The following MTMR4 variants were observed in gnomAD, a reference collection of about 807,000 sequenced individuals.
MTMR4 encodes phosphatidylinositol-3,5-bisphosphate 3-phosphatase MTMR4.
MTMR4 carries 30 observed loss-of-function variants against 125.5 expected under a neutral mutation model. That is an observed-to-expected ratio of 0.24 (90% CI 0.18 to 0.32). MTMR4 has a LOEUF of 0.32. Ranked by LOEUF, MTMR4 falls within the 10% of genes least tolerant of loss-of-function variation. MTMR4 has a pLI of 1.00. For missense variants in MTMR4, 1,039 were observed against 1,511.5 expected (o/e 0.69, Z 5.18); for synonymous variants, 498 against 564.5 (o/e 0.88, Z 1.67).
In MTMR4 at chr17:58,496,046, G is replaced by A. The variant is rs1975457752; in HGVS notation, c.2138C>T (p.Ser713Phe). Residue 713 changes from serine (S) to phenylalanine (F), a missense_variant, in exon 15 of 18, where the codon TCT becomes TTT. Coordinates refer to ENST00000682306, the MANE Select transcript of MTMR4 (RefSeq NM_001378067.1). Reference sequence around the variant, plus strand: ...GGTATTAAGCAGTTTGTAACTTGGAGAACAGCTTTTGTGACTCTTGAAAGG... The same window carrying A: ...GGTATTAAGCAGTTTGTAACTTGGAAAACAGCTTTTGTGACTCTTGAAAGG... ...NKPFKSHKSCSPSYKLLNTAV... is the reference protein window; with the variant it reads ...NKPFKSHKSCFPSYKLLNTAV... The A allele has an allele frequency of 1.4e-5, 22 of 1,614,156 alleles. No homozygotes were observed. Among genetic ancestry groups the A allele is most frequent in the Non-Finnish European group, 1.9e-5 (22 of 1,180,022 alleles).
Position 58,507,271 on chromosome 17 carries a change from G to A in MTMR4, c.756C>T (p.Ile252=), listed in dbSNP as rs758925739. 23 of 1,613,968 alleles carry A rather than the reference G, an allele frequency of 1.4e-5. No individual in the cohort carries two copies. Among genetic ancestry groups the A allele is most frequent in the Admixed American group, 1.2e-4 (7 of 60,000 alleles). The change falls in exon 8 of 18, where the codon ATC becomes ATT. Residue 252 remains isoleucine, a synonymous_variant. Transcript: ENST00000682306. ...AAIARCSQPE[I]SWWGWRNADD... ...CAGCATTGCGCCAGCCCCACCAGCTGATCTCTGGCTGGCTGCAGCGGGCGA... is the reference window on the plus strand; with the variant it reads ...CAGCATTGCGCCAGCCCCACCAGCTAATCTCTGGCTGGCTGCAGCGGGCGA...
chr17:58,514,772 A>T, upstream of MTMR4: 1 of 696,060 alleles, frequency 1.4e-6, no homozygotes, highest in Non-Finnish European at 1.8e-6. Context: ...GGCGTACCCT[A>T]CTCCAGGGAC....
chr17:58,510,827 T>G (rs1387999174), intron 4 of MTMR4: 2 of 152,296 alleles, frequency 1.3e-5, no homozygotes, highest in Non-Finnish European at 2.9e-5. Flanking sequence ...TCTTCCCACC[T>G]TGGCCACCCG....
At chr17:58,494,859 A>T in intron 15 of MTMR4, 73 bp downstream of exon 15, 1 of 1,433,954 alleles carries the variant, frequency 7.0e-7, no homozygotes, top group Non-Finnish European at 9.6e-7. Flanking sequence ...TACCCAACGA[A>T]TAAATGCTGA....
chr17:58,500,946 G>A (rs994973572), intron 14 of MTMR4, among the ~76,000 whole-genome samples: 1 of 151,962 alleles, frequency 6.6e-6, no homozygotes, highest in Non-Finnish European at 1.5e-5. Flanking sequence ...CTAAGTTAAT[G>A]AAATGATTAT....
rs1409269287 is a variant in MTMR4, at chr17:58,511,481, T to C, written c.283A>G (p.Ser95Gly). ...ATGTGCAACTGGAACATATCACGGCTCTCCACACTGTCAATCATCCGGAGG... is the reference window on the plus strand; with the variant it reads ...ATGTGCAACTGGAACATATCACGGCCCTCCACACTGTCAATCATCCGGAGG... ...VPLRMIDSVE[S>G]RDMFQLHISC... Residue 95 changes from serine to glycine, a missense_variant, in exon 4 of 18, where the codon AGC becomes GGC. Around this residue, in one of 6 missense-constraint regions of MTMR4, gnomAD observed 202 missense variants for 311.9 expected, o/e 0.65. Coordinates refer to ENST00000682306, the MANE Select transcript of MTMR4 (RefSeq NM_001378067.1). The C allele has an allele frequency of 6.2e-7, 1 of 1,612,518 alleles. No individual in the cohort carries two copies. Among genetic ancestry groups the C allele is most frequent in the Admixed American group, 1.7e-5 (1 of 59,734 alleles).
chr17:58,494,094 C>T (rs1975387621), intron 15 of MTMR4, among the ~76,000 whole-genome samples: 1 of 151,800 alleles, frequency 6.6e-6, no homozygotes, highest in South Asian at 2.1e-4. Context: ...GTGGGCGGAT[C>T]ATGAGGTCAG....
At chr17:58,507,957 TAAA>T in intron 7 of MTMR4, 1 of 480,120 alleles carries the variant, frequency 2.1e-6, no homozygotes, top group Non-Finnish European at 3.8e-6. Flanking sequence ...ACACACACTC[TAAA>T]AAAAGGGGGG....
Position 58,512,338 on chromosome 17 carries a change from G to T in MTMR4, c.252+52C>A. 6.9e-7 allele frequency: 1 copy of T among 1,456,472 alleles called. No homozygotes were observed. Among genetic ancestry groups the T allele is most frequent in the Non-Finnish European group, 9.6e-7 (1 of 1,037,104 alleles). 90.2% of individuals were successfully genotyped at this position (1,456,472 alleles called of 1,614,324 possible). A position where few individuals can be genotyped will look rare whatever the true frequency, so the allele number is the denominator to read the frequency against. On this transcript the variant is annotated intron_variant, in intron 3 of 17. Coordinates refer to ENST00000682306, the MANE Select transcript of MTMR4 (RefSeq NM_001378067.1). The surrounding 1 kb of genome is among the most constrained non-coding windows in gnomAD (Gnocchi z 4.1). ...GACAGCCTTGGAACAATCCCACCTT[G>T]AACTTCATAGGGATTCTAGCTTAGG...
intron 4 of MTMR4, 108 bp downstream of exon 4, chr17:58,511,321 G>A (rs747496774): frequency 1.3e-4 from 136 of 1,016,338 alleles, no homozygotes; most frequent in Non-Finnish European, 1.8e-4. Context: ...TTCCAACTGG[G>A]GAAAGTGAGG....
chr17:58,496,307 T>A lies in MTMR4; in HGVS notation c.1877A>T (p.Asp626Val). The change falls in exon 15 of 18, where the codon GAT becomes GTT. Residue 626 changes from aspartate (D) to valine (V), a missense_variant. By Grantham distance (152) the Asp-to-Val change is radical (BLOSUM62 -3). Around this residue, in one of 6 missense-constraint regions of MTMR4, gnomAD observed 619 missense variants for 714.5 expected, o/e 0.87. Coordinates refer to ENST00000682306, the MANE Select transcript of MTMR4 (RefSeq NM_001378067.1). ...LDRLPKTRSM[D>V]DLLSACDTSS... is the part of the protein sequence containing the mutation. ...TGTGTCACAGGCAGAAAGAAGATCA[T>A]CCATGGATCTGGTTTTAGGTAATCT... 1 of 1,610,734 alleles carries A rather than the reference T, an allele frequency of 6.2e-7. No homozygotes were observed. Among genetic ancestry groups the A allele is most frequent in the Non-Finnish European group, 8.5e-7 (1 of 1,178,464 alleles).
intron 14 of MTMR4, 38 bp downstream of exon 14, chr17:58,503,706 T>C: frequency 6.3e-7 from 1 of 1,583,932 alleles, no homozygotes. Flanking sequence ...ACTGCCTTCC[T>C]AGTGGAGAGA....
At position 58,514,525 on chromosome 17, in the gene MTMR4, G is replaced by T. The variant is rs1976031261; in HGVS notation, c.-118C>A. On this transcript the variant is annotated 5_prime_UTR_variant, in exon 1 of 18. Transcript: ENST00000682306. ...CGCCAGGTGCAGCCGCGGCGGCCAA[G>T]AGGCTAGGGCGCTGGTGGCCGGGCC... is the stretch of plus-strand genomic sequence containing the variant. 1.0e-6 allele frequency: 1 copy of T among 985,038 alleles called. No homozygotes were observed. Among genetic ancestry groups the T allele is most frequent in the Non-Finnish European group, 1.2e-6 (1 of 829,878 alleles). 61.0% of individuals were successfully genotyped at this position (985,038 alleles called of 1,614,324 possible).
In MTMR4 at chr17:58,506,951, A is replaced by C. The variant is rs1975792634; in HGVS notation, c.905-80T>G. 1.1e-4 allele frequency: 166 copies of C among 1,570,420 alleles called. 3 individuals are homozygous for C. The South Asian group carries it at 1.9e-3, about 18-fold the overall frequency. The stretch of plus-strand genomic sequence containing the variant: ...TGGCCCTCTGGCACTCCCTCTCAGA[A>C]GGCAGAACATGCAACTAGAGACCCC... On this transcript the variant is annotated intron_variant, in intron 8 of 17. Transcript: ENST00000682306.
At chr17:58,509,848 A>C (rs1975880584) in intron 4 of MTMR4, among the ~76,000 whole-genome samples, 2 of 152,134 alleles carry the variant, frequency 1.3e-5, no homozygotes, top group Non-Finnish European at 2.9e-5. Flanking sequence ...TGCCCCACAG[A>C]CCTGAGCACA....
In MTMR4 at chr17:58,504,032, A is replaced by G. The variant is rs1267646900; in HGVS notation, c.1698+18T>C. The G allele has an allele frequency of 1.3e-6, 2 of 1,534,186 alleles. No individual in the cohort carries two copies. Among genetic ancestry groups the G allele is most frequent in the Non-Finnish European group, 1.8e-6 (2 of 1,141,870 alleles). On this transcript the variant is annotated intron_variant, in intron 13 of 17. Coordinates refer to ENST00000682306, the MANE Select transcript of MTMR4 (RefSeq NM_001378067.1). The surrounding 1 kb of genome is among the most constrained non-coding windows in gnomAD (Gnocchi z 7.1). ...TAGGTTTCTAAATAGCACCTACAGG[A>G]AAAGGGCTCAGACTCACCATGTCTG...
In MTMR4 at chr17:58,508,443, G is replaced by T; in HGVS notation, c.593+25C>A. On this transcript the variant is annotated intron_variant, in intron 6 of 17. Coordinates refer to ENST00000682306, the MANE Select transcript of MTMR4 (RefSeq NM_001378067.1). The surrounding 1 kb of genome is among the most constrained non-coding windows in gnomAD (Gnocchi z 4.8). ...ACACGGAAGTAGTTTGGTGTGGAAG[G>T]TGTTTTGGTCCCCAACCCTCTCACT... is the stretch of plus-strand genomic sequence containing the variant. 3 of 1,610,196 alleles carry T rather than the reference G, an allele frequency of 1.9e-6. No individual in the cohort carries two copies. The highest frequency in any genetic ancestry group is 8.5e-7 in the Non-Finnish European group (1 of 1,176,408).
At position 58,496,256 on chromosome 17, in the gene MTMR4, CTGG is replaced by C; in HGVS notation, c.1925_1927del (p.Ser642_Ser643delinsCys). On this transcript the variant is annotated inframe_deletion, in exon 15 of 18. Coordinates refer to ENST00000682306, the MANE Select transcript of MTMR4 (RefSeq NM_001378067.1). Reference sequence around the variant, plus strand: ...ACAGTGGTTATTCAGGTTAGGGTCACTGGATGTACGAGTCAGGGGGCTGCTTGT... The same window carrying C: ...ACAGTGGTTATTCAGGTTAGGGTCACATGTACGAGTCAGGGGGCTGCTTGT... The C allele has an allele frequency of 6.2e-7, 1 of 1,614,106 alleles. No individual in the cohort carries two copies. The highest frequency in any genetic ancestry group is 8.5e-7 in the Non-Finnish European group (1 of 1,180,016).
intron 4 of MTMR4, 76 bp downstream of exon 4, chr17:58,511,353 C>T: frequency 1.6e-6 from 2 of 1,274,546 alleles, no homozygotes; most frequent in Non-Finnish European, 2.2e-6. Flanking sequence ...CTCTCTTGCA[C>T]CAGAGAAACC....
Sources: gnomAD v4.1 joint callset for allele counts (sites outside exome capture counted in the v4.1 genomes callset) on GRCh38, gnomAD v4.1.1 for gene constraint, gnomAD v4.1.1 regional missense constraint, Gnocchi (gnomAD v3.1) non-coding constraint, MANE v1.5 for transcripts, NCBI Gene and HGNC (gene_info 2026-07-23, HGNC 2026-07-21) for gene names.